Variants in RBFOX1 observed in about 807,000 individuals in gnomAD.
The protein encoded by RBFOX1 is RNA binding protein fox-1 homolog 1.
A neutral mutation model predicts 57.7 loss-of-function variants in RBFOX1; 8 were observed. The observed-to-expected ratio is 0.14, with a 90% CI of 0.08 to 0.25. The LOEUF (loss-of-function observed/expected upper bound fraction) is 0.25. Ranked by LOEUF, RBFOX1 falls within the 10% of genes least tolerant of loss-of-function variation. The pLI is 1.00. For missense variants in RBFOX1, 611 were observed against 548.5 expected (o/e 1.11, Z -1.14); for synonymous variants, 326 against 222.4 (o/e 1.47, Z -4.15).
intron 2 of RBFOX1, among the ~76,000 whole-genome samples, chr16:6,478,760 G>C (rs755513785): frequency 3.3e-5 from 5 of 151,920 alleles, no homozygotes; most frequent in Admixed American, 1.3e-4. Context: ...GCCTGTCAGT[G>C]GAACAGTCAG....
chr16:6,826,079 G>T (rs1415409230), intron 3 of RBFOX1, among the ~76,000 whole-genome samples: 1 of 152,022 alleles, frequency 6.6e-6, no homozygotes, highest in Non-Finnish European at 1.5e-5. Flanking sequence ...CACGTTCATT[G>T]CCCAGGTCTC....
chr16:6,476,380 G>A (rs1170190681), intron 2 of RBFOX1, among the ~76,000 whole-genome samples: 1 of 152,112 alleles, frequency 6.6e-6, no homozygotes, highest in African/African-American at 2.4e-5. Flanking sequence ...GATACTGTAG[G>A]TTCAGTTACA....
chr16:6,442,312 C>G (rs987908230), intron 2 of RBFOX1, among the ~76,000 whole-genome samples: 1 of 152,168 alleles, frequency 6.6e-6, no homozygotes, highest in African/African-American at 2.4e-5. Context: ...AATCCCAGCA[C>G]TTTGGGAGGC....
chr16:5,811,143 A>ATTTT (rs374827330), intron 3 of RBFOX1, among the ~76,000 whole-genome samples: 1,275 of 104,488 alleles, frequency 0.012, 44 homozygotes, highest in African/African-American at 0.029. Context: ...TATGGAACAA[A>ATTTT]TTTTTTTTTT....
intron 2 of RBFOX1, among the ~76,000 whole-genome samples, chr16:5,583,084 G>A (rs887945270): frequency 6.6e-6 from 1 of 152,216 alleles, no homozygotes; most frequent in African/African-American, 2.4e-5. Context: ...GAGAGGTTGA[G>A]CCTGACTTTG....
rs560343664 is a variant in RBFOX1, at chr16:5,598,108, C to A, written c.259-794C>A. On this transcript the variant is annotated intron_variant, in intron 2 of 2. Transcript: ENST00000585867. Reference sequence around the variant, plus strand: ...GGTCAGGAGTTCGAGACCAGCCTGGCCAACATGGCGATTCCCTGTATCTAC... The same window carrying A: ...GGTCAGGAGTTCGAGACCAGCCTGGACAACATGGCGATTCCCTGTATCTAC... Among the ~76,000 whole-genome samples the A allele has an allele frequency of 1.3e-4, 20 of 152,104 alleles. No homozygotes were observed. The South Asian group carries it at 3.3e-3, about 25-fold the overall frequency.
At chr16:6,250,846 G>A (rs574618277) in intron 1 of RBFOX1, among the ~76,000 whole-genome samples, 4 of 152,264 alleles carry the variant, frequency 2.6e-5, no homozygotes, top group East Asian at 1.9e-4. Context: ...ACCGTGCATT[G>A]CTTGGCCAAG....
At chr16:5,760,485 A>T (rs1186341952) in intron 3 of RBFOX1, among the ~76,000 whole-genome samples, 2 of 152,206 alleles carry the variant, frequency 1.3e-5, no homozygotes, top group Admixed American at 1.3e-4. Flanking sequence ...CCTCACAATA[A>T]TAATGTTGTG....
chr16:7,323,901 T>C (rs2096577372), intron 4 of RBFOX1, among the ~76,000 whole-genome samples: 1 of 151,516 alleles, frequency 6.6e-6, no homozygotes, highest in African/African-American at 2.4e-5. Flanking sequence ...AAATGAATGA[T>C]GAGTGGATGG....
chr16:6,300,206 G>C (rs537048364), intron 1 of RBFOX1, among the ~76,000 whole-genome samples: 20 of 152,202 alleles, frequency 1.3e-4, no homozygotes, highest in Admixed American at 5.2e-4. Context: ...AGGAAATGGG[G>C]AGATGATCAA....
At chr16:6,421,647 T>C (rs1302195444) in intron 2 of RBFOX1, among the ~76,000 whole-genome samples, 1 of 152,154 alleles carries the variant, frequency 6.6e-6, no homozygotes, top group Non-Finnish European at 1.5e-5. Context: ...CGAATGACAC[T>C]GGCACAGAAG....
chr16:6,844,089 C>G (rs952595604), intron 3 of RBFOX1, among the ~76,000 whole-genome samples: 2 of 151,978 alleles, frequency 1.3e-5, no homozygotes, highest in Middle Eastern at 6.8e-3. Flanking sequence ...AAATCCCTCT[C>G]TGTCTCTAAG....
At chr16:6,159,827 A>G (rs2096864926) in intron 1 of RBFOX1, among the ~76,000 whole-genome samples, 1 of 152,160 alleles carries the variant, frequency 6.6e-6, no homozygotes, top group Non-Finnish European at 1.5e-5. Context: ...GGGCATGCAA[A>G]GTAACATTGC....
At chr16:6,718,530 G>C (rs1341323040) in intron 3 of RBFOX1, among the ~76,000 whole-genome samples, 1 of 152,194 alleles carries the variant, frequency 6.6e-6, no homozygotes, top group Admixed American at 6.5e-5. Flanking sequence ...CCTTTAAGGA[G>C]GCAGCATTTT....
intron 3 of RBFOX1, among the ~76,000 whole-genome samples, chr16:5,792,786 T>C (rs2054746047): frequency 6.6e-6 from 1 of 151,896 alleles, no homozygotes. Context: ...GAGGTTGCAG[T>C]GAGGTGAGAT....
At chr16:6,433,515 C>T (rs2094152325) in intron 2 of RBFOX1, among the ~76,000 whole-genome samples, 1 of 152,160 alleles carries the variant, frequency 6.6e-6, no homozygotes, top group Non-Finnish European at 1.5e-5. Flanking sequence ...ATTTCCCATT[C>T]CTCTGTATTT....
intron 3 of RBFOX1, among the ~76,000 whole-genome samples, chr16:6,709,813 C>T (rs2063408267): frequency 6.6e-6 from 1 of 152,058 alleles, no homozygotes; most frequent in Non-Finnish European, 1.5e-5. Flanking sequence ...AGGCAGAGAG[C>T]TTTCAGGCCA....
chr16:7,144,928 C>G (rs551127824), intron 4 of RBFOX1, among the ~76,000 whole-genome samples: 1 of 152,250 alleles, frequency 6.6e-6, no homozygotes, highest in Middle Eastern at 3.4e-3. Context: ...GCACCTTTGC[C>G]TACATGAAAG....
chr16:7,353,421 T>A (rs577908346), intron 4 of RBFOX1, among the ~76,000 whole-genome samples: 71 of 152,264 alleles, frequency 4.7e-4, no homozygotes, highest in Non-Finnish European at 8.4e-4. Flanking sequence ...CTTAAAAAAA[T>A]TACTCAGTTA....
Sources: allele counts gnomAD v4.1 joint callset (sites outside exome capture counted in the v4.1 genomes callset), GRCh38; gene constraint gnomAD v4.1.1; transcripts MANE v1.5; gene names NCBI Gene and HGNC (gene_info 2026-07-23, HGNC 2026-07-21).